Variants in SEPTIN9 observed in about 807,000 individuals in gnomAD.
SEPTIN9 encodes the protein septin-9.
A neutral mutation model predicts 56.6 loss-of-function variants in SEPTIN9; 13 were observed. The observed-to-expected ratio is 0.23, with a 90% confidence interval of 0.15 to 0.37. The LOEUF (loss-of-function observed/expected upper bound fraction) is 0.37. Among genes scored for constraint, SEPTIN9 ranks in the 10% least tolerant of loss-of-function variants. The probability of loss-of-function intolerance (pLI) is 1.00; values close to 1 mark genes in which losing one functional copy is unlikely to be tolerated. For synonymous variants in SEPTIN9, 332 were observed against 334.1 expected (o/e 0.99, Z 0.07); for missense variants, 650 against 823.1 (o/e 0.79, Z 2.57).
At chr17:77,355,135 G>C (rs2034188392) in intron 2 of SEPTIN9, among the ~76,000 whole-genome samples, 1 of 152,124 alleles carries the variant, frequency 6.6e-6, no homozygotes, top group Admixed American at 6.5e-5. Context: ...GGAATGAATG[G>C]GCCTATATGT....
chr17:77,302,668 ACTC>A (rs1334761832), intron 1 of SEPTIN9, among the ~76,000 whole-genome samples: 1 of 151,930 alleles, frequency 6.6e-6, no homozygotes, highest in Non-Finnish European at 1.5e-5. Flanking sequence ...ACAGAAAAAG[ACTC>A]CATCTCTAAA....
intron 2 of SEPTIN9, among the ~76,000 whole-genome samples, chr17:77,353,954 G>A (rs2034141999): frequency 1.3e-5 from 2 of 152,210 alleles, no homozygotes; most frequent in South Asian, 2.1e-4. Flanking sequence ...GGTATAGTCC[G>A]TGAGACAGAT....
intron 1 of SEPTIN9, among the ~76,000 whole-genome samples, chr17:77,283,634 C>G (rs989083837): frequency 6.6e-6 from 1 of 152,166 alleles, no homozygotes; most frequent in Non-Finnish European, 1.5e-5. Flanking sequence ...CTAGACTGTG[C>G]GGGATTATTG....
chr17:77,409,983 G>A (rs1182802425), intron 3 of SEPTIN9, among the ~76,000 whole-genome samples: 2 of 152,204 alleles, frequency 1.3e-5, no homozygotes, highest in African/African-American at 4.8e-5. Context: ...TCTGAGAGCT[G>A]CAGGGAGGCG....
At chr17:77,328,866 G>T (rs567326305) in intron 2 of SEPTIN9, among the ~76,000 whole-genome samples, 236 of 152,342 alleles carry the variant, frequency 1.5e-3, no homozygotes, top group African/African-American at 5.4e-3. Flanking sequence ...TGCTGGGGGT[G>T]CATATCTGTG....
chr17:77,424,903 G>T (rs923355893), intron 3 of SEPTIN9, among the ~76,000 whole-genome samples: 1 of 152,192 alleles, frequency 6.6e-6, no homozygotes, highest in Non-Finnish European at 1.5e-5. Flanking sequence ...GGGCTGGGGG[G>T]TACCTAGAAC....
At chr17:77,325,587 G>A (rs1195543599) in intron 2 of SEPTIN9, among the ~76,000 whole-genome samples, 7 of 152,206 alleles carry the variant, frequency 4.6e-5, no homozygotes, top group African/African-American at 1.7e-4. Flanking sequence ...CTGCCCTGCG[G>A]ACATGCCCCT....
chr17:77,384,204 G>A (rs563238122), intron 2 of SEPTIN9, among the ~76,000 whole-genome samples: 253 of 152,292 alleles, frequency 1.7e-3, no homozygotes, highest in Middle Eastern at 0.014. Flanking sequence ...CCGTGGCAGG[G>A]TATTAAACTG....
At chr17:77,447,743 A>C (rs965376757) in intron 3 of SEPTIN9, among the ~76,000 whole-genome samples, 2 of 152,072 alleles carry the variant, frequency 1.3e-5, no homozygotes, top group African/African-American at 4.8e-5. Flanking sequence ...TCCTGCCTCA[A>C]CCTCCTGAGT....
intron 3 of SEPTIN9, among the ~76,000 whole-genome samples, chr17:77,422,917 T>G (rs1269418548): frequency 6.6e-6 from 1 of 152,150 alleles, no homozygotes; most frequent in Non-Finnish European, 1.5e-5. Flanking sequence ...AGCACTGCTG[T>G]AAACCCCTCG....
At chr17:77,480,784 T>C (rs2039425305) in intron 3 of SEPTIN9, among the ~76,000 whole-genome samples, 1 of 152,108 alleles carries the variant, frequency 6.6e-6, no homozygotes, top group Non-Finnish European at 1.5e-5. Context: ...GTGGTCCCTG[T>C]CTTAGCGCAG....
At position 77,475,563 on chromosome 17, in the gene SEPTIN9, G is replaced by T; in HGVS notation, c.722-6581G>T. 6.2e-7 allele frequency: 1 copy of T among 1,613,234 alleles called. No homozygotes were observed. Among genetic ancestry groups the T allele is most frequent in the South Asian group, 1.1e-5 (1 of 91,074 alleles). ...AAGGCCTGCAGGTGGCCGTAGGGCT[G>T]CCGCAGGGGTGCTGGCCCCAGGGTC... On this transcript the variant is annotated intron_variant, in intron 3 of 11. Coordinates refer to ENST00000427177, the MANE Select transcript of SEPTIN9 (RefSeq NM_001113491.2). The surrounding 1 kb of genome is among the most constrained non-coding windows in gnomAD (Gnocchi z 4.6).
chr17:77,400,534 G>C lies in SEPTIN9; in HGVS notation c.77-1525G>C, dbSNP rs1197451949. Reference sequence around the variant, plus strand: ...CAGCTGAGGCGGCCAGGGTTAGGGGGTTGGGCTTCCTCTTCCCCTCCCCAG... The same window carrying C: ...CAGCTGAGGCGGCCAGGGTTAGGGGCTTGGGCTTCCTCTTCCCCTCCCCAG... On this transcript the variant is annotated intron_variant, in intron 2 of 11. Transcript: ENST00000427177. This position sits in a 1 kb window ranked among gnomAD's most constrained non-coding sequence, Gnocchi z 4.1. The C allele has an allele frequency of 6.6e-6, 1 of 152,292 alleles. No homozygotes were observed. The highest frequency in any genetic ancestry group is 2.4e-5 in the African/African-American group (1 of 41,462). The allele number at this position is 152,292 out of a possible 1,614,324, so 9.4% of individuals were successfully genotyped here. A position where few individuals can be genotyped will look rare whatever the true frequency, so the allele number is the denominator to read the frequency against.
intron 2 of SEPTIN9, among the ~76,000 whole-genome samples, chr17:77,357,880 C>G (rs958973768): frequency 6.6e-6 from 1 of 152,214 alleles, no homozygotes; most frequent in African/African-American, 2.4e-5. Flanking sequence ...ACCCCAAGCC[C>G]TAATCCTGGC....
chr17:77,343,958 C>G (rs1656406332), intron 2 of SEPTIN9, among the ~76,000 whole-genome samples: 1 of 152,182 alleles, frequency 6.6e-6, no homozygotes. Flanking sequence ...AGCTTCGTGA[C>G]ATTGGAGTTG....
At chr17:77,494,240 G>T (rs1249247023) in intron 10 of SEPTIN9, among the ~76,000 whole-genome samples, 1 of 152,216 alleles carries the variant, frequency 6.6e-6, no homozygotes, top group African/African-American at 2.4e-5. Flanking sequence ...CCATGTCTTT[G>T]AATGGATGGG....
chr17:77,341,250 G>A (rs1444086468), intron 2 of SEPTIN9, among the ~76,000 whole-genome samples: 2 of 152,154 alleles, frequency 1.3e-5, no homozygotes, highest in South Asian at 2.1e-4. Context: ...AGTGAGAGAC[G>A]GGTGACTCTT....
chr17:77,465,453 T>C (rs1339671466), intron 3 of SEPTIN9, among the ~76,000 whole-genome samples: 1 of 152,182 alleles, frequency 6.6e-6, no homozygotes, highest in Non-Finnish European at 1.5e-5. Flanking sequence ...GCCAGCCAGG[T>C]GCTGCGAGTC....
chr17:77,364,012 G>A (rs1041972849), intron 2 of SEPTIN9, among the ~76,000 whole-genome samples: 1 of 152,128 alleles, frequency 6.6e-6, no homozygotes, highest in Non-Finnish European at 1.5e-5. Context: ...AACAGAGTGC[G>A]AGGGGGACTG....
Sources: allele counts gnomAD v4.1 joint callset (sites outside exome capture counted in the v4.1 genomes callset), GRCh38; gene constraint gnomAD v4.1.1; non-coding constraint Gnocchi (gnomAD v3.1); transcripts MANE v1.5; gene names NCBI Gene and HGNC (gene_info 2026-07-23, HGNC 2026-07-21).